Variants in SPATS2L observed in about 807,000 individuals in gnomAD.
SPATS2L encodes the protein SPATS2-like protein.
In SPATS2L, 30 loss-of-function variants were observed where a neutral mutation model predicts 59.6. The ratio of observed to expected loss-of-function variants is 0.50; its 90% CI spans 0.38 to 0.68. The LOEUF is 0.68. Among genes scored for constraint, SPATS2L ranks in the 30% least tolerant of loss-of-function variants. SPATS2L has a pLI of 0.00. For missense variants in SPATS2L, 615 were observed against 700.0 expected (o/e 0.88, Z 1.37); for synonymous variants, 252 against 263.5 (o/e 0.96, Z 0.42).
chr2:200,324,929 A>G (rs558621534), intron 1 of SPATS2L, among the ~76,000 whole-genome samples: 9 of 152,158 alleles, frequency 5.9e-5, no homozygotes, highest in Non-Finnish European at 1.0e-4. Context: ...GTCAACAAAT[A>G]CCCGACTTGA....
intron 2 of SPATS2L, among the ~76,000 whole-genome samples, chr2:200,384,710 A>G (rs377151331): frequency 4.9e-4 from 74 of 152,316 alleles, no homozygotes; most frequent in African/African-American, 1.7e-3. Context: ...AAATGGTGAA[A>G]ATCTTTCCTT....
chr2:200,361,609 T>C (rs1574493411), intron 2 of SPATS2L, among the ~76,000 whole-genome samples: 1 of 152,212 alleles, frequency 6.6e-6, no homozygotes, highest in African/African-American at 2.4e-5. Flanking sequence ...AAGGCTCAGT[T>C]CATTGCCATC....
chr2:200,452,943 T>G lies in SPATS2L; in HGVS notation c.789-6826T>G, dbSNP rs368372733. Among the ~76,000 whole-genome samples the G allele has an allele frequency of 7.9e-5, 12 of 152,288 alleles. No individual in the cohort carries two copies. The East Asian group carries it at 1.7e-3, about 22-fold the overall frequency. Reference sequence around the variant, plus strand: ...TTTCAGTTTTGAAAAGAATTCAGGTTGTTATAAAACCTAAATGCAAATATA... The same window carrying G: ...TTTCAGTTTTGAAAAGAATTCAGGTGGTTATAAAACCTAAATGCAAATATA... On this transcript the variant is annotated intron_variant, in intron 8 of 12. Transcript: ENST00000409140.
In SPATS2L at chr2:200,472,839, T is replaced by C; in HGVS notation, c.1068T>C (p.His356=). 1 of 1,613,858 alleles carries C rather than the reference T, an allele frequency of 6.2e-7. No homozygotes were observed. Among genetic ancestry groups the C allele is most frequent in the Non-Finnish European group, 8.5e-7 (1 of 1,179,828 alleles). ...AGCACTTTATTATTGCAGTTACACATCCAAAGAACAACTATTCCTCAAGAA... is the reference window on the plus strand; with the variant it reads ...AGCACTTTATTATTGCAGTTACACACCCAAAGAACAACTATTCCTCAAGAA... ...AQIMLCGEIT[H]PKNNYSSRTP... Residue 356 remains histidine (H), a synonymous_variant, in exon 12 of 13, where the codon CAT becomes CAC. Transcript: ENST00000409140.
chr2:200,382,243 T>C (rs2081841457), intron 2 of SPATS2L, among the ~76,000 whole-genome samples: 1 of 152,088 alleles, frequency 6.6e-6, no homozygotes, highest in African/African-American at 2.4e-5. Flanking sequence ...CCCAGCTAAT[T>C]TTTGTATTTT....
chr2:200,465,028 C>T (rs1364601919), intron 9 of SPATS2L, among the ~76,000 whole-genome samples: 1 of 152,212 alleles, frequency 6.6e-6, no homozygotes, highest in Non-Finnish European at 1.5e-5. Context: ...TTGAATTCTT[C>T]ACTCAGCAGG....
At position 200,389,262 on chromosome 2, in the gene SPATS2L, T is replaced by C. The variant is rs1403860462; in HGVS notation, c.18T>C (p.Thr6=). 1.3e-6 allele frequency: 2 copies of C among 1,584,906 alleles called. No individual in the cohort carries two copies. Among genetic ancestry groups the C allele is most frequent in the Middle Eastern group, 1.7e-4 (1 of 6,044 alleles). The stretch of plus-strand genomic sequence containing the variant: ...GAAGCAAGATGGCTGAACTCAATAC[T>C]CATGTGAATGTCAAGGAAAAGGTAA... The part of the protein sequence containing the change: MAELN[T]HVNVKEKIYA... Residue 6 remains threonine (T), a synonymous_variant, in exon 3 of 13, where the codon ACT becomes ACC. Coordinates refer to ENST00000409140, the MANE Select transcript of SPATS2L (RefSeq NM_001100423.2).
At chr2:200,382,939 G>A (rs948329616) in intron 2 of SPATS2L, among the ~76,000 whole-genome samples, 8 of 152,168 alleles carry the variant, frequency 5.3e-5, no homozygotes, top group African/African-American at 1.9e-4. Context: ...GCTTCCATGA[G>A]AATCTATTTC....
intron 6 of SPATS2L, among the ~76,000 whole-genome samples, chr2:200,419,911 A>G (rs2083239893): frequency 6.6e-6 from 1 of 152,152 alleles, no homozygotes; most frequent in African/African-American, 2.4e-5. Flanking sequence ...TTCCAGTTTA[A>G]AGAAATATTC....
At chr2:200,386,272 CT>C (rs1283152941) in intron 2 of SPATS2L, among the ~76,000 whole-genome samples, 1 of 152,092 alleles carries the variant, frequency 6.6e-6, no homozygotes, top group East Asian at 1.9e-4. Context: ...TTATTTTTAT[CT>C]TATTTTCCCA....
chr2:200,350,814 C>T (rs1010272933), intron 2 of SPATS2L, among the ~76,000 whole-genome samples: 2 of 152,122 alleles, frequency 1.3e-5, no homozygotes, highest in African/African-American at 2.4e-5. Flanking sequence ...GGATTATAGG[C>T]ATGAGCCACC....
At chr2:200,351,714 T>A (rs1255754625) in intron 2 of SPATS2L, among the ~76,000 whole-genome samples, 1 of 151,774 alleles carries the variant, frequency 6.6e-6, no homozygotes, top group African/African-American at 2.4e-5. Flanking sequence ...AGATTGAGAT[T>A]TTTTTTTGAT....
intron 6 of SPATS2L, among the ~76,000 whole-genome samples, chr2:200,427,480 T>C (rs1358523643): frequency 6.7e-6 from 1 of 148,918 alleles, no homozygotes; most frequent in African/African-American, 2.4e-5. Context: ...AACATGCATA[T>C]ACATATATAA....
intron 2 of SPATS2L, among the ~76,000 whole-genome samples, chr2:200,375,911 G>A (rs1488661063): frequency 6.6e-6 from 1 of 152,212 alleles, no homozygotes; most frequent in Non-Finnish European, 1.5e-5. Flanking sequence ...ACAGGCATGA[G>A]TGACTGTGCC....
chr2:200,342,087 A>G (rs1026282857), intron 2 of SPATS2L, among the ~76,000 whole-genome samples: 2 of 152,012 alleles, frequency 1.3e-5, no homozygotes, highest in African/African-American at 4.8e-5. Context: ...CCTTTTTTCT[A>G]AATCATGCAA....
At chr2:200,346,323 A>T (rs1331482129) in intron 2 of SPATS2L, among the ~76,000 whole-genome samples, 1 of 152,216 alleles carries the variant, frequency 6.6e-6, no homozygotes, top group Non-Finnish European at 1.5e-5. Context: ...AACATTAGAA[A>T]GATGACCTAG....
In SPATS2L at chr2:200,459,798, C is replaced by G; in HGVS notation, c.818C>G (p.Ala273Gly). The G allele has an allele frequency of 6.2e-7, 1 of 1,612,490 alleles. No homozygotes were observed. The highest frequency in any genetic ancestry group is 1.1e-5 in the South Asian group (1 of 90,786). ...CIIDKEVSLMAEMDKVKEEAM... is the reference protein window; with the variant it reads ...CIIDKEVSLMGEMDKVKEEAM... Reference sequence around the variant, plus strand: ...ATTGACAAAGAAGTTTCATTAATGGCAGAAATGGATAAAGTTAAAGAAGAA... The same window carrying G: ...ATTGACAAAGAAGTTTCATTAATGGGAGAAATGGATAAAGTTAAAGAAGAA... The change falls in exon 9 of 13, where the codon GCA becomes GGA. Residue 273 changes from alanine to glycine, a missense_variant. Ala to Gly is a moderately conservative substitution (Grantham distance 60). This residue lies in a region of SPATS2L where 104 missense variants were observed against 162.5 expected (regional missense o/e 0.64). Transcript: ENST00000409140.
At chr2:200,425,358 T>G (rs997497278) in intron 6 of SPATS2L, among the ~76,000 whole-genome samples, 24 of 152,114 alleles carry the variant, frequency 1.6e-4, no homozygotes, top group Non-Finnish European at 2.8e-4. Context: ...AGCTTAGAAC[T>G]TTAATAGTAA....
intron 3 of SPATS2L, among the ~76,000 whole-genome samples, chr2:200,401,020 G>A (rs2082509980): frequency 2.0e-5 from 3 of 152,166 alleles, no homozygotes; most frequent in African/African-American, 7.2e-5. Context: ...TGGTTGATCA[G>A]TATAGTAGGA....
Sources: allele counts gnomAD v4.1 joint callset (sites outside exome capture counted in the v4.1 genomes callset), GRCh38; gene constraint gnomAD v4.1.1; regional missense constraint gnomAD v4.1.1; transcripts MANE v1.5; gene names NCBI Gene and HGNC (gene_info 2026-07-23, HGNC 2026-07-21).